SHISA6: variants seen among roughly 807,000 people sequenced by gnomAD.
The protein encoded by SHISA6 is shisa family member 6, also known as protein shisa-6.
SHISA6 carries 22 observed loss-of-function variants against 47.9 expected under a neutral mutation model. The observed-to-expected ratio is 0.46, with a 90% CI of 0.33 to 0.66. SHISA6 has a LOEUF of 0.66. SHISA6 is among the 30% of genes least tolerant of loss of function. The pLI is 0.02. For missense variants in SHISA6, 680 were observed against 764.6 expected (o/e 0.89, Z 1.30); for synonymous variants, 388 against 337.8 (o/e 1.15, Z -1.63).
At chr17:11,268,542 A>G (rs139661990) in intron 2 of SHISA6, among the ~76,000 whole-genome samples, 1,855 of 152,170 alleles carry the variant, frequency 0.012, 42 homozygotes, top group African/African-American at 0.043. Context: ...AGCACTAGGT[A>G]TTTGTTTTGT....
At chr17:11,255,751 A>G (rs912906859) in intron 1 of SHISA6, among the ~76,000 whole-genome samples, 24 of 152,204 alleles carry the variant, frequency 1.6e-4, no homozygotes, top group African/African-American at 5.8e-4. Context: ...CCACCACACC[A>G]AGAGTGTTGC....
At chr17:11,359,354 A>G (rs1274807843) in intron 2 of SHISA6, among the ~76,000 whole-genome samples, 1 of 152,238 alleles carries the variant, frequency 6.6e-6, no homozygotes, top group Non-Finnish European at 1.5e-5. Flanking sequence ...TTTGCAAGGA[A>G]TGCAAACCCA....
intron 2 of SHISA6, among the ~76,000 whole-genome samples, chr17:11,323,874 C>T (rs75273951): frequency 5.2e-4 from 79 of 152,108 alleles, no homozygotes; most frequent in African/African-American, 1.8e-3. Context: ...CTTTTGTAAA[C>T]AGCTTTATTG....
intron 3 of SHISA6, among the ~76,000 whole-genome samples, chr17:11,382,606 T>C (rs924192233): frequency 6.6e-6 from 1 of 152,228 alleles, no homozygotes; most frequent in African/African-American, 2.4e-5. Context: ...TTGTTTTATT[T>C]CTCTATCCTT....
intron 3 of SHISA6, among the ~76,000 whole-genome samples, chr17:11,388,433 C>T (rs1382744123): frequency 2.6e-5 from 4 of 151,990 alleles, no homozygotes; most frequent in Non-Finnish European, 2.9e-5. Flanking sequence ...GCTGAGGGCA[C>T]CAAAGATCTC....
rs115376574 is a variant in SHISA6 at position 11,320,216 on chromosome 17, G to A, written c.799+56690G>A. Among the ~76,000 whole-genome samples the A allele has an allele frequency of 2.3e-3, 357 of 152,264 alleles. 1 individual carries two copies. Among genetic ancestry groups the A allele is most frequent in the African/African-American group, 8.2e-3 (339 of 41,544 alleles). On this transcript the variant is annotated intron_variant, in intron 2 of 5. Transcript: ENST00000441885. The stretch of plus-strand genomic sequence containing the variant: ...CTATTCTGAACCTTAGTTGTATCTC[G>A]ACTCTTTTGGGTACATTGTAGATAG...
chr17:11,388,840 ATT>A (rs1491127702), intron 3 of SHISA6, among the ~76,000 whole-genome samples: 2 of 106,030 alleles, frequency 1.9e-5, no homozygotes, highest in East Asian at 2.8e-4. Flanking sequence ...ATATATATAT[ATT>A]TTAAAAAAGG....
intron 1 of SHISA6, among the ~76,000 whole-genome samples, chr17:11,253,439 T>C (rs1907891112): frequency 6.6e-6 from 1 of 152,194 alleles, no homozygotes; most frequent in African/African-American, 2.4e-5. Context: ...GGCGGGCTCT[T>C]AGTAGACAGT....
At chr17:11,412,518 T>A (rs1413052280) in intron 3 of SHISA6, among the ~76,000 whole-genome samples, 1 of 151,488 alleles carries the variant, frequency 6.6e-6, no homozygotes, top group African/African-American at 2.4e-5. Flanking sequence ...AAATGAAGCA[T>A]GGTTGTGAAG....
intron 3 of SHISA6, among the ~76,000 whole-genome samples, chr17:11,436,648 A>C (rs1914951574): frequency 6.6e-6 from 1 of 152,218 alleles, no homozygotes; most frequent in Non-Finnish European, 1.5e-5. Flanking sequence ...AGGCACTCTC[A>C]TGAACTTCAC....
chr17:11,251,698 C>T (rs2142137297), intron 1 of SHISA6, among the ~76,000 whole-genome samples: 1 of 152,264 alleles, frequency 6.6e-6, no homozygotes, highest in East Asian at 1.9e-4. Flanking sequence ...TCTGCTGTTC[C>T]CTGTTCTGGT....
intron 2 of SHISA6, among the ~76,000 whole-genome samples, chr17:11,327,917 CTCTG>C (rs969120371): frequency 4.0e-5 from 6 of 151,708 alleles, no homozygotes; most frequent in East Asian, 1.9e-4. Flanking sequence ...CTCTCTCTCT[CTCTG>C]TCTCTCTCTC....
chr17:11,472,186 A>T (rs946293015), intron 3 of SHISA6, among the ~76,000 whole-genome samples: 3 of 152,236 alleles, frequency 2.0e-5, no homozygotes, highest in South Asian at 2.1e-4. Context: ...TCATATCAGT[A>T]TGCAGTCTTT....
intron 2 of SHISA6, among the ~76,000 whole-genome samples, chr17:11,274,221 G>A (rs532357271): frequency 1.9e-4 from 29 of 152,278 alleles, no homozygotes; most frequent in African/African-American, 6.5e-4. Context: ...CCACGTGGCC[G>A]GGGGAGAAAG....
chr17:11,548,463 A>G (rs1232023180), intron 3 of SHISA6, among the ~76,000 whole-genome samples: 1 of 151,766 alleles, frequency 6.6e-6, no homozygotes, highest in Non-Finnish European at 1.5e-5. Context: ...ATATATACAT[A>G]TATCACAAGA....
At chr17:11,382,655 C>G (rs978365482) in intron 3 of SHISA6, among the ~76,000 whole-genome samples, 5 of 152,164 alleles carry the variant, frequency 3.3e-5, no homozygotes, top group African/African-American at 1.2e-4. Flanking sequence ...GATCCTCTTC[C>G]TTTATTCCTT....
intron 2 of SHISA6, among the ~76,000 whole-genome samples, chr17:11,308,933 G>A (rs967477997): frequency 6.6e-6 from 1 of 152,136 alleles, no homozygotes; most frequent in Admixed American, 6.5e-5. Context: ...CAAAGATTGG[G>A]CACTGCCAGT....
At chr17:11,273,741 G>A (rs548634777) in intron 2 of SHISA6, among the ~76,000 whole-genome samples, 3 of 152,278 alleles carry the variant, frequency 2.0e-5, no homozygotes, top group South Asian at 2.1e-4. Flanking sequence ...GCCCGCAGGC[G>A]CAGGGCTTGT....
chr17:11,407,176 G>A (rs1477444214), intron 3 of SHISA6, among the ~76,000 whole-genome samples: 5 of 151,736 alleles, frequency 3.3e-5, no homozygotes, highest in South Asian at 4.2e-4. Context: ...CAACATAACC[G>A]TCTTACAAGA....
Sources: gnomAD v4.1 joint callset for allele counts (sites outside exome capture counted in the v4.1 genomes callset) on GRCh38, gnomAD v4.1.1 for gene constraint, MANE v1.5 for transcripts, NCBI Gene and HGNC (gene_info 2026-07-23, HGNC 2026-07-21) for gene names.